The following COL20A1 variants were observed in gnomAD, a reference collection of about 807,000 sequenced individuals.
The protein encoded by COL20A1 is collagen alpha-1(XX) chain.
COL20A1 carries 164 observed loss-of-function variants against 152.9 expected under a neutral mutation model. The ratio of observed to expected loss-of-function variants is 1.07; its 90% CI spans 0.94 to 1.22. The LOEUF (loss-of-function observed/expected upper bound fraction) is 1.22, where lower values mean the gene tolerates loss of function less well. COL20A1 is among the 50% of genes most tolerant of loss of function. COL20A1 has a pLI of 0.00. For missense variants in COL20A1, 1,873 were observed against 1,744.8 expected, an observed-to-expected ratio of 1.07 and a Z score of -1.31; for synonymous variants, 864 against 756.0, an observed-to-expected ratio of 1.14 and a Z score of -2.34.
chr20:63,329,398 C>T (rs1047106498), intron 34 of COL20A1, 187 bp from the exon 35 acceptor site: 14 of 560,280 alleles, frequency 2.5e-5, no homozygotes, highest in African/African-American at 7.0e-5. Flanking sequence ...TGTCATGGAG[C>T]CCAGGAGGCG....
chr20:63,311,818 A>G lies in COL20A1; in HGVS notation c.1663+70A>G. The G allele has an allele frequency of 6.5e-7, 1 of 1,532,730 alleles. No homozygotes were observed. The highest frequency in any genetic ancestry group is 8.7e-7 in the Non-Finnish European group (1 of 1,143,892). The allele number at this position is 1,532,730 out of a possible 1,614,324, so 94.9% of individuals were successfully genotyped here. On this transcript the variant is annotated intron_variant, in intron 13 of 35. Transcript: ENST00000358894. The surrounding 1 kb of genome is among the most constrained non-coding windows in gnomAD (Gnocchi z 4.4). ...ATCTTGTTCCTCAGCCTTCCATGGC[A>G]TGGGAGACCTCAGGCCCCCTCGGTC...
rs1433071558 is a variant in COL20A1, at chr20:63,307,596, C to T, written c.603C>T (p.Phe201=). The part of the protein sequence containing the change: ...GHSHFQQVKD[F]LASVIAPFEI... Reference sequence around the variant, plus strand: ...GTCACTTCCAGCAGGTCAAGGACTTCCTGGCCAGTGTCATCGCACCCTTTG... The same window carrying T: ...GTCACTTCCAGCAGGTCAAGGACTTTCTGGCCAGTGTCATCGCACCCTTTG... Residue 201 remains phenylalanine, a synonymous_variant, in exon 6 of 36, where the codon TTC becomes TTT. Transcript: ENST00000358894. 1.9e-6 allele frequency: 3 copies of T among 1,612,654 alleles called. No homozygotes were observed. Among genetic ancestry groups the T allele is most frequent in the South Asian group, 2.2e-5 (2 of 91,078 alleles).
chr20:63,320,244 G>A, intron 24 of COL20A1, 47 bp downstream of exon 24: 1 of 1,604,356 alleles, frequency 6.2e-7, no homozygotes, highest in Non-Finnish European at 8.5e-7. Context: ...GTGGGGGCTG[G>A]CAGCCTCTCT....
rs570927843 is a variant in COL20A1, at chr20:63,319,019, G to A, written c.2664-39G>A. ...GTTCTGCCAGGTTTGGCTGCCCTTG[G>A]GTCTGCTCATGTGCCTCTCCCTCCC... is the stretch of plus-strand genomic sequence containing the variant. On this transcript the variant is annotated intron_variant, in intron 21 of 35. Coordinates refer to ENST00000358894, the MANE Select transcript of COL20A1 (RefSeq NM_020882.4). This position sits in a 1 kb window ranked among gnomAD's most constrained non-coding sequence, Gnocchi z 4.4. 7.4e-5 allele frequency: 116 copies of A among 1,570,106 alleles called. 3 individuals are homozygous for A. In the South Asian group the frequency reaches 1.3e-3, roughly 17 times the overall value.
At position 63,308,109 on chromosome 20, in the gene COL20A1, C is replaced by T. The variant is rs3746375; in HGVS notation, c.775+19C>T. 1.8e-4 allele frequency: 292 copies of T among 1,611,484 alleles called. 1 individual carries two copies. In the East Asian group the frequency reaches 6.2e-3, roughly 34 times the overall value. ...TTCACAGGTACGGCCCAGGCCTGCC[C>T]CTCCCTCTGTCCTGAGGGCGGACCT... On this transcript the variant is annotated intron_variant, in intron 7 of 35. Coordinates refer to ENST00000358894, the MANE Select transcript of COL20A1 (RefSeq NM_020882.4).
chr20:63,307,951 G>A lies in COL20A1; in HGVS notation c.656-20G>A. ...CTCAGCATTGGAAACTCAGCCCGTG[G>A]CCATGCCCCTGCTCCCCAGGCCTGA... On this transcript the variant is annotated intron_variant, in intron 6 of 35. Transcript: ENST00000358894. 1.2e-6 allele frequency: 2 copies of A among 1,610,922 alleles called. No homozygotes were observed. The highest frequency in any genetic ancestry group is 1.7e-6 in the Non-Finnish European group (2 of 1,178,494).
At chr20:63,301,044 G>T (rs906298556) in intron 3 of COL20A1, among the ~76,000 whole-genome samples, 40 of 152,206 alleles carry the variant, frequency 2.6e-4, no homozygotes, top group African/African-American at 9.4e-4. Context: ...GCCGGGCGTG[G>T]TGGCTCACGC....
chr20:63,299,092 C>G (rs557745927), intron 3 of COL20A1, among the ~76,000 whole-genome samples: 5 of 152,368 alleles, frequency 3.3e-5, no homozygotes, highest in Non-Finnish European at 7.3e-5. Context: ...TGGTGTGTAA[C>G]AGCCGTCCAT....
intron 26 of COL20A1, 24 bp from the exon 27 acceptor site, chr20:63,322,034 T>C (rs771488538): frequency 1.1e-5 from 17 of 1,510,432 alleles, no homozygotes; most frequent in Non-Finnish European, 1.4e-5. Flanking sequence ...TTCTGGGGGC[T>C]TAGCCCTGTT....
At chr20:63,298,976 A>C (rs1201615792) in intron 3 of COL20A1, among the ~76,000 whole-genome samples, 2 of 152,246 alleles carry the variant, frequency 1.3e-5, no homozygotes, top group Non-Finnish European at 2.9e-5. Flanking sequence ...CGCCTCCAAC[A>C]GCATGGACTA....
intron 31 of COL20A1, 40 bp from the exon 32 acceptor site, chr20:63,327,912 C>G (rs1433440020): frequency 6.4e-7 from 1 of 1,567,264 alleles, no homozygotes; most frequent in Admixed American, 1.9e-5. Flanking sequence ...TGGTCTCAGG[C>G]CATCTCTGCT....
Position 63,312,434 on chromosome 20 carries a change from G to T in COL20A1, c.1818G>T (p.Gly606=), listed in dbSNP as rs900197646. The change falls in exon 15 of 36, where the codon GGG becomes GGT. Residue 606 remains glycine, a synonymous_variant. Transcript: ENST00000358894. ...GGHSGQTEAP[G]NATSATLGPL... ...ACCTGCTGCAGACAGAGGCTCCTGGGAACGCCACCTCGGCCACGCTGGGGC... is the reference window on the plus strand; with the variant it reads ...ACCTGCTGCAGACAGAGGCTCCTGGTAACGCCACCTCGGCCACGCTGGGGC... 6.3e-7 allele frequency: 1 copy of T among 1,597,298 alleles called. No homozygotes were observed.
At chr20:63,326,242 C>T (rs1367291505) in intron 30 of COL20A1, 93 bp downstream of exon 30, 15 of 1,000,172 alleles carry the variant, frequency 1.5e-5, no homozygotes, top group East Asian at 4.8e-5. Flanking sequence ...AGCTGCCACC[C>T]CTAGGTTACC....
rs371561136 is a variant in COL20A1 at position 63,312,538 on chromosome 20, G to A, written c.1922G>A (p.Arg641Gln). Reference protein sequence around the residue: ...PGGGSSTLTGRVTTKKAPSPS... With the variant: ...PGGGSSTLTGQVTTKKAPSPS... ...GGTGGCTCCTCTACGCTGACTGGCC[G>A]GGTGACCACCAGTGAGTGGGGAGAG... is the stretch of plus-strand genomic sequence containing the variant. Residue 641 changes from arginine to glutamine, a missense_variant, in exon 15 of 36, where the codon CGG (arginine) becomes CAG (glutamine). By Grantham distance (43) the Arg-to-Gln change is conservative. Coordinates refer to ENST00000358894, the MANE Select transcript of COL20A1 (RefSeq NM_020882.4). 1.3e-4 allele frequency: 207 copies of A among 1,587,932 alleles called. No individual in the cohort carries two copies. The highest frequency in any genetic ancestry group is 4.5e-4 in the African/African-American group (33 of 73,780).
At chr20:63,299,640 A>T (rs1158503464) in intron 3 of COL20A1, among the ~76,000 whole-genome samples, 1 of 152,076 alleles carries the variant, frequency 6.6e-6, no homozygotes, top group Admixed American at 6.6e-5. Flanking sequence ...CCTTTTCCAG[A>T]TAGATGGACC....
intron 1 of COL20A1, among the ~76,000 whole-genome samples, chr20:63,294,284 G>T (rs942345342): frequency 2.6e-5 from 4 of 151,248 alleles, no homozygotes; most frequent in Admixed American, 6.6e-5. Flanking sequence ...GGTGGCAGGT[G>T]GAGGACTCGG....
Position 63,316,638 on chromosome 20 carries a change from TG to T in COL20A1, c.2613del (p.Thr872ProfsTer12). 1 of 1,578,360 alleles carries T rather than the reference TG, an allele frequency of 6.3e-7. No individual in the cohort carries two copies. On this transcript the variant is annotated frameshift_variant, in exon 21 of 36. Coordinates refer to ENST00000358894, the MANE Select transcript of COL20A1 (RefSeq NM_020882.4). LOFTEE classifies it high-confidence loss of function. Reference protein sequence around the residue: ...GVAMEPSAFGGTPTFTLFKDA... With the variant: ...GVAMEPSAFGXTPTFTLFKDA... ...TGGCCATGGAGCCCTCTGCCTTCGG[TG>T]GGACCCCGACCTTCACGCTCTTCAA...
At position 63,314,508 on chromosome 20, in the gene COL20A1, G is replaced by A. The variant is rs138875307; in HGVS notation, c.2488+307G>A. Reference sequence around the variant, plus strand: ...TCCTGGAGAACCACAGGTCCAGGGCGAGGGCTCTGAGAGGCATCCATCCCA... The same window carrying A: ...TCCTGGAGAACCACAGGTCCAGGGCAAGGGCTCTGAGAGGCATCCATCCCA... On this transcript the variant is annotated intron_variant, in intron 19 of 35. Coordinates refer to ENST00000358894, the MANE Select transcript of COL20A1 (RefSeq NM_020882.4). 5.5e-3 allele frequency among the ~76,000 whole-genome samples: 843 copies of A among 152,270 alleles called. 8 individuals are homozygous for A. The highest frequency in any genetic ancestry group is 0.019 in the African/African-American group (790 of 41,546).
chr20:63,304,507 G>A (rs111164188), intron 3 of COL20A1, among the ~76,000 whole-genome samples: 23,064 of 70,542 alleles, frequency 0.33, 3,184 homozygotes, highest in East Asian at 0.48. Flanking sequence ...CTGCAGGTGC[G>A]CAGGTGTGGG....
Sources: allele counts gnomAD v4.1 joint callset (sites outside exome capture counted in the v4.1 genomes callset), GRCh38; gene constraint gnomAD v4.1.1; non-coding constraint Gnocchi (gnomAD v3.1); transcripts MANE v1.5; gene names NCBI Gene and HGNC (gene_info 2026-07-23, HGNC 2026-07-21).